ME1: variants seen among roughly 807,000 people sequenced by gnomAD.
ME1 encodes NADP-dependent malic enzyme.
ME1 carries 74 observed loss-of-function variants against 66.4 expected under a neutral mutation model. The observed-to-expected ratio is 1.11, with a 90% CI of 0.92 to 1.35. The LOEUF is 1.35. ME1 is among the 40% of genes most tolerant of loss of function. ME1 has a pLI of 0.00. For synonymous variants in ME1, 251 were observed against 235.6 expected, an observed-to-expected ratio of 1.07 and a Z score of -0.60; for missense variants, 750 against 694.1, an observed-to-expected ratio of 1.08 and a Z score of -0.90.
At chr6:83,325,062 A>G (rs1422632234) in intron 5 of ME1, among the ~76,000 whole-genome samples, 1 of 152,240 alleles carries the variant, frequency 6.6e-6, no homozygotes, top group Non-Finnish European at 1.5e-5. Context: ...GGTTCAACAT[A>G]TGCGAATCAA....
intron 3 of ME1, among the ~76,000 whole-genome samples, chr6:83,382,083 C>T (rs1214173762): frequency 4.0e-5 from 6 of 151,724 alleles, no homozygotes; most frequent in Admixed American, 6.6e-5. Context: ...ATCCTTCAAG[C>T]GGCAGCCTAA....
intron 5 of ME1, among the ~76,000 whole-genome samples, chr6:83,327,383 T>C (rs1255432425): frequency 6.6e-6 from 1 of 152,180 alleles, no homozygotes; most frequent in Non-Finnish European, 1.5e-5. Context: ...GGGAGAAATA[T>C]CACCGAATTC....
At chr6:83,226,057 ACCTGTG>A (rs1204323729) in intron 11 of ME1, among the ~76,000 whole-genome samples, 3 of 151,844 alleles carry the variant, frequency 2.0e-5, no homozygotes, top group African/African-American at 7.3e-5. Context: ...TCCTATCTTC[ACCTGTG>A]CCTACAGTAG....
At chr6:83,344,250 C>T (rs1213372665) in intron 5 of ME1, among the ~76,000 whole-genome samples, 2 of 144,824 alleles carry the variant, frequency 1.4e-5, no homozygotes, top group Non-Finnish European at 3.0e-5. Flanking sequence ...AGTGCCACTG[C>T]ACTACAGCCT....
At chr6:83,369,349 ATACTT>A (rs1562492251) in intron 3 of ME1, among the ~76,000 whole-genome samples, 1 of 152,150 alleles carries the variant, frequency 6.6e-6, no homozygotes, top group Non-Finnish European at 1.5e-5. Flanking sequence ...TTTTTAAAAT[ATACTT>A]TATTTAAGAG....
intron 6 of ME1, among the ~76,000 whole-genome samples, chr6:83,261,586 C>T (rs1159872393): frequency 6.6e-6 from 1 of 152,014 alleles, no homozygotes; most frequent in Non-Finnish European, 1.5e-5. Context: ...GTAAAGGGAA[C>T]ATCCAGTGAG....
chr6:83,343,078 C>T (rs1408893296), intron 5 of ME1, among the ~76,000 whole-genome samples: 1 of 152,140 alleles, frequency 6.6e-6, no homozygotes, highest in Non-Finnish European at 1.5e-5. Flanking sequence ...ACTGTAGTCA[C>T]CCTACTCTGC....
chr6:83,249,432 G>A (rs764542365), intron 7 of ME1, among the ~76,000 whole-genome samples: 56 of 152,022 alleles, frequency 3.7e-4, no homozygotes, highest in Admixed American at 1.6e-3. Context: ...TCACCATATT[G>A]GCCAGGCTGG....
intron 7 of ME1, among the ~76,000 whole-genome samples, chr6:83,250,059 G>A (rs1391702323): frequency 2.0e-5 from 3 of 152,076 alleles, no homozygotes; most frequent in Non-Finnish European, 2.9e-5. Flanking sequence ...TGCTCAGCCA[G>A]CATCATGATA....
At chr6:83,396,131 A>G (rs1007007421) in intron 3 of ME1, among the ~76,000 whole-genome samples, 2 of 152,130 alleles carry the variant, frequency 1.3e-5, no homozygotes, top group Non-Finnish European at 2.9e-5. Context: ...TGGGAGGCTG[A>G]GGCGGGTGGA....
chr6:83,255,816 T>C (rs1766758811), intron 6 of ME1, among the ~76,000 whole-genome samples: 1 of 152,054 alleles, frequency 6.6e-6, no homozygotes, highest in African/African-American at 2.4e-5. Flanking sequence ...ACACACTTAC[T>C]CTTCACAACC....
chr6:83,363,124 G>T (rs979378897), intron 3 of ME1, among the ~76,000 whole-genome samples: 2 of 152,118 alleles, frequency 1.3e-5, no homozygotes, highest in Non-Finnish European at 1.5e-5. Context: ...TCAAGGGGTG[G>T]AAGTGGCACC....
intron 1 of ME1, among the ~76,000 whole-genome samples, chr6:83,423,323 T>C (rs554139535): frequency 1.5e-4 from 23 of 151,798 alleles, no homozygotes; most frequent in Non-Finnish European, 2.6e-4. Context: ...ACAATTAGTT[T>C]CCAGCAAACC....
intron 3 of ME1, among the ~76,000 whole-genome samples, chr6:83,374,034 T>C (rs892871091): frequency 6.6e-6 from 1 of 151,030 alleles, no homozygotes; most frequent in Non-Finnish European, 1.5e-5. Context: ...GGTTGGGTCA[T>C]TGATGACCAT....
chr6:83,211,244 A>C lies in ME1; in HGVS notation c.*680T>G, dbSNP rs1354141346. ...GATGGGATGTTTGATCAAGGGGGAA[A>C]AAAGGTGATTTCAGGTGGGATTTCT... On this transcript the variant is annotated 3_prime_UTR_variant, in exon 14 of 14. Coordinates refer to ENST00000369705, the MANE Select transcript of ME1 (RefSeq NM_002395.6). The C allele has an allele frequency of 1.3e-5, 2 of 152,596 alleles. No individual in the cohort carries two copies. Among genetic ancestry groups the C allele is most frequent in the Non-Finnish European group, 1.5e-5 (1 of 68,064 alleles). 9.5% of individuals were successfully genotyped at this position (152,596 alleles called of 1,614,324 possible). A position where few individuals can be genotyped will look rare whatever the true frequency, so the allele number is the denominator to read the frequency against.
chr6:83,256,842 C>T lies in ME1; in HGVS notation c.705-3104G>A, dbSNP rs543191451. Among the ~76,000 whole-genome samples, 11 of 152,180 alleles carry T rather than the reference C, an allele frequency of 7.2e-5. No homozygotes were observed. The South Asian group carries it at 1.0e-3, about 14-fold the overall frequency. The stretch of plus-strand genomic sequence containing the variant: ...TAAAGAAAATGAGGCACATATATGC[C>T]GTGAAATACTATGCAGCCATAAAAA... On this transcript the variant is annotated intron_variant, in intron 6 of 13. Transcript: ENST00000369705.
At chr6:83,235,616 G>A (rs924471693) in intron 9 of ME1, among the ~76,000 whole-genome samples, 1 of 151,834 alleles carries the variant, frequency 6.6e-6, no homozygotes, top group Admixed American at 6.6e-5. Context: ...GACTACAGGC[G>A]CCCACCACCA....
At chr6:83,300,043 G>C (rs1157008881) in intron 6 of ME1, among the ~76,000 whole-genome samples, 1 of 152,108 alleles carries the variant, frequency 6.6e-6, no homozygotes, top group East Asian at 1.9e-4. Flanking sequence ...GTTCATCAGG[G>C]ATACTGGCCT....
chr6:83,295,967 G>GGAA (rs1216497063), intron 6 of ME1, among the ~76,000 whole-genome samples: 1 of 151,896 alleles, frequency 6.6e-6, no homozygotes, highest in African/African-American at 2.4e-5. Flanking sequence ...GACTAAATCA[G>GGAA]GAAGAAACTG....
Sources: gnomAD v4.1 joint callset for allele counts (sites outside exome capture counted in the v4.1 genomes callset) on GRCh38, gnomAD v4.1.1 for gene constraint, MANE v1.5 for transcripts, NCBI Gene and HGNC (gene_info 2026-07-23, HGNC 2026-07-21) for gene names.